ADAMTS19: variants seen among roughly 807,000 people sequenced by gnomAD.
ADAMTS19 encodes ADAM metallopeptidase with thrombospondin type 1 motif 19.
In ADAMTS19, 93 loss-of-function variants were observed where a neutral mutation model predicts 153.3. The observed-to-expected ratio is 0.61, with a 90% confidence interval of 0.51 to 0.72. The LOEUF (loss-of-function observed/expected upper bound fraction) is 0.72, where lower values mean the gene tolerates loss of function less well. Among genes scored for constraint, ADAMTS19 ranks in the 30% least tolerant of loss-of-function variants. The pLI is 0.00. For missense variants in ADAMTS19, 1,482 were observed against 1,552.1 expected (o/e 0.95, Z 0.76); for synonymous variants, 600 against 556.6 (o/e 1.08, Z -1.10).
intron 8 of ADAMTS19, among the ~76,000 whole-genome samples, chr5:129,600,929 G>T (rs1750619919): frequency 6.6e-6 from 1 of 151,994 alleles, no homozygotes; most frequent in East Asian, 1.9e-4. Flanking sequence ...GAGTGCAGTG[G>T]CTCGATCTCT....
chr5:129,556,945 C>A (rs747531793), intron 7 of ADAMTS19, among the ~76,000 whole-genome samples: 1 of 152,114 alleles, frequency 6.6e-6, no homozygotes, highest in African/African-American at 2.4e-5. Flanking sequence ...AATTTGGATA[C>A]CTTAAGCCAC....
At chr5:129,584,490 C>G (rs906200902) in intron 7 of ADAMTS19, among the ~76,000 whole-genome samples, 7 of 152,164 alleles carry the variant, frequency 4.6e-5, no homozygotes, top group Admixed American at 6.5e-5. Context: ...TGAAGCTGCA[C>G]CCACAGCCGC....
rs569283194 is a variant in ADAMTS19, at chr5:129,661,877, G to A, written c.2425+3140G>A. The stretch of plus-strand genomic sequence containing the variant: ...TTTGCGTGTTTGGTTGTTTGCCACA[G>A]CAGTCGGGGAGTCATAGTGTTAACT... On this transcript the variant is annotated intron_variant, in intron 15 of 22. Transcript: ENST00000274487. Among the ~76,000 whole-genome samples the A allele has an allele frequency of 5.9e-5, 9 of 152,298 alleles. No homozygotes were observed. The South Asian group carries it at 1.9e-3, about 32-fold the overall frequency.
intron 8 of ADAMTS19, among the ~76,000 whole-genome samples, chr5:129,616,876 A>T (rs1751556823): frequency 6.6e-6 from 1 of 152,046 alleles, no homozygotes; most frequent in African/African-American, 2.4e-5. Context: ...GAAAACAATA[A>T]ATCATCTCCA....
intron 3 of ADAMTS19, among the ~76,000 whole-genome samples, chr5:129,515,865 C>T (rs1326363583): frequency 2.0e-5 from 3 of 151,572 alleles, no homozygotes; most frequent in African/African-American, 4.8e-5. Context: ...GTAGTGTTAC[C>T]GATTTTAGAG....
intron 7 of ADAMTS19, among the ~76,000 whole-genome samples, chr5:129,574,067 C>G (rs1754009796): frequency 6.6e-6 from 1 of 151,968 alleles, no homozygotes; most frequent in East Asian, 1.9e-4. Flanking sequence ...TTTAAAATGT[C>G]ACCTCTTTTA....
At chr5:129,572,353 T>G (rs1167809920) in intron 7 of ADAMTS19, among the ~76,000 whole-genome samples, 1 of 151,908 alleles carries the variant, frequency 6.6e-6, no homozygotes, top group Non-Finnish European at 1.5e-5. Context: ...CTTTGGAAAA[T>G]GGTGTGGCAG....
At chr5:129,571,903 GAA>G (rs1409372392) in intron 7 of ADAMTS19, among the ~76,000 whole-genome samples, 1 of 151,614 alleles carries the variant, frequency 6.6e-6, no homozygotes, top group Non-Finnish European at 1.5e-5. Flanking sequence ...GCTATCCAAT[GAA>G]AAAAGTTTTA....
intron 21 of ADAMTS19, among the ~76,000 whole-genome samples, chr5:129,714,426 A>C: frequency 4.3e-5 from 1 of 23,170 alleles, no homozygotes; most frequent in South Asian, 9.8e-4. Context: ...ACTCCGTCTC[A>C]AAAAAAAAAA....
At chr5:129,596,763 T>C (rs779314829) in intron 8 of ADAMTS19, 99 bp downstream of exon 8, 12 of 925,442 alleles carry the variant, frequency 1.3e-5, no homozygotes, top group Non-Finnish European at 1.9e-5. Flanking sequence ...AATTTGGGCT[T>C]CAAGTTTTTG....
intron 3 of ADAMTS19, among the ~76,000 whole-genome samples, chr5:129,522,334 T>TAC (rs1561549642): frequency 2.5e-5 from 2 of 80,284 alleles, no homozygotes; most frequent in Non-Finnish European, 4.9e-5. Flanking sequence ...CACACACACA[T>TAC]ATATATATAT....
At chr5:129,492,379 A>G (rs1322123566) in intron 2 of ADAMTS19, among the ~76,000 whole-genome samples, 1 of 152,146 alleles carries the variant, frequency 6.6e-6, no homozygotes, top group African/African-American at 2.4e-5. Flanking sequence ...CACAGATCCA[A>G]ACTGTATCAT....
At chr5:129,655,384 CT>C (rs1753502589) in intron 14 of ADAMTS19, among the ~76,000 whole-genome samples, 1 of 152,148 alleles carries the variant, frequency 6.6e-6, no homozygotes, top group Non-Finnish European at 1.5e-5. Context: ...TAGATAGTTT[CT>C]GATAAACCTT....
chr5:129,615,166 C>A (rs1291581967), intron 8 of ADAMTS19, among the ~76,000 whole-genome samples: 1 of 152,010 alleles, frequency 6.6e-6, no homozygotes, highest in East Asian at 1.9e-4. Context: ...TGACTTTCTT[C>A]ACAGAATTGG....
At chr5:129,559,231 A>G (rs1008526230) in intron 7 of ADAMTS19, among the ~76,000 whole-genome samples, 2 of 152,114 alleles carry the variant, frequency 1.3e-5, no homozygotes, top group Non-Finnish European at 2.9e-5. Context: ...GTATATTAAT[A>G]GTATTTCCAA....
intron 3 of ADAMTS19, among the ~76,000 whole-genome samples, chr5:129,514,212 C>G (rs1460895568): frequency 6.6e-6 from 1 of 152,086 alleles, no homozygotes; most frequent in Admixed American, 6.6e-5. Flanking sequence ...GGATTGCTCC[C>G]AAATCTTAGC....
chr5:129,669,068 G>A (rs1440990003), intron 16 of ADAMTS19, among the ~76,000 whole-genome samples: 2 of 150,758 alleles, frequency 1.3e-5, no homozygotes, highest in Non-Finnish European at 2.9e-5. Context: ...AGATTAGAAA[G>A]TCCAGGAATA....
rs551528622 is a variant in ADAMTS19, at chr5:129,699,320, G to T, written c.2955-2068G>T. Among the ~76,000 whole-genome samples, 4 of 152,048 alleles carry T rather than the reference G, an allele frequency of 2.6e-5. No homozygotes were observed. In the South Asian group the frequency reaches 8.3e-4, roughly 32 times the overall value. On this transcript the variant is annotated intron_variant, in intron 19 of 22. Coordinates refer to ENST00000274487, the MANE Select transcript of ADAMTS19 (RefSeq NM_133638.6). The stretch of plus-strand genomic sequence containing the variant: ...TGCCCATAAGCCCAGCTACTTGGGA[G>T]GCTGAGGCAGGAGAACAGCTTGAAC...
At chr5:129,593,567 T>C (rs1750244605) in intron 7 of ADAMTS19, among the ~76,000 whole-genome samples, 1 of 152,134 alleles carries the variant, frequency 6.6e-6, no homozygotes, top group Non-Finnish European at 1.5e-5. Context: ...TTCTCCAAAT[T>C]ATCGGGCTCC....
Sources: gnomAD v4.1 joint callset for allele counts (sites outside exome capture counted in the v4.1 genomes callset) on GRCh38, gnomAD v4.1.1 for gene constraint, MANE v1.5 for transcripts, NCBI Gene and HGNC (gene_info 2026-07-23, HGNC 2026-07-21) for gene names.